Variants in FRMD6 observed in about 807,000 individuals in gnomAD.
FRMD6 encodes the protein FERM domain containing 6.
In FRMD6, 37 loss-of-function variants were observed where a neutral mutation model predicts 73.2. The ratio of observed to expected loss-of-function variants is 0.51; its 90% CI spans 0.39 to 0.66. FRMD6 has a LOEUF of 0.66. Among genes scored for constraint, FRMD6 ranks in the 30% least tolerant of loss-of-function variants. FRMD6 has a pLI of 0.00. For synonymous variants in FRMD6, 273 were observed against 282.2 expected, an observed-to-expected ratio of 0.97 and a Z score of 0.33; for missense variants, 714 against 780.5, an observed-to-expected ratio of 0.91 and a Z score of 1.02.
chr14:51,614,597 A>C (rs1329842963), intron 2 of FRMD6, among the ~76,000 whole-genome samples: 1 of 152,196 alleles, frequency 6.6e-6, no homozygotes, highest in African/African-American at 2.4e-5. Context: ...TGTATTGGTT[A>C]TATACACATT....
At chr14:51,547,946 C>T (rs555262217) in intron 1 of FRMD6, 1 of 151,608 alleles carries the variant, frequency 6.6e-6, no homozygotes, top group East Asian at 1.9e-4. Context: ...TGTACCAACC[C>T]AGAGTTTATA....
intron 13 of FRMD6, 64 bp from the exon 14 acceptor site, chr14:51,727,681 C>A: frequency 6.8e-7 from 1 of 1,475,732 alleles, no homozygotes; most frequent in Non-Finnish European, 9.2e-7. Context: ...TAGCATCTCT[C>A]TTTACAAGGC....
chr14:51,417,416 A>G, the FRMD6 span, among the ~76,000 whole-genome samples: 40 of 152,302 alleles, frequency 2.6e-4, no homozygotes, highest in East Asian at 7.7e-3. Flanking sequence ...TATGAAGCTT[A>G]GTTTGGCTGG....
intron 11 of FRMD6, 100 bp from the exon 12 acceptor site, chr14:51,721,849 A>G: frequency 7.2e-7 from 1 of 1,381,626 alleles, no homozygotes. Flanking sequence ...ATTTATTTTC[A>G]AATAGGAATA....
intron 1 of FRMD6, among the ~76,000 whole-genome samples, chr14:51,656,443 T>C (rs1372535863): frequency 6.6e-6 from 1 of 151,422 alleles, no homozygotes; most frequent in African/African-American, 2.4e-5. Flanking sequence ...AGGCGGAGTC[T>C]CGCCCTGTCG....
chr14:51,701,200 T>A (rs55923021), intron 4 of FRMD6, 41 bp downstream of exon 4: 170,834 of 1,223,588 alleles, frequency 0.14, 13,426 homozygotes, highest in Non-Finnish European at 0.16. Flanking sequence ...TGATTTTTTT[T>A]AAAAAATGTT....
chr14:51,654,048 A>G lies in FRMD6; in HGVS notation c.-147+2052A>G, dbSNP rs552139758. On this transcript the variant is annotated intron_variant, in intron 1 of 13. Coordinates refer to ENST00000344768, the MANE Select transcript of FRMD6 (RefSeq NM_001267046.2). ...TAATCAGCAGTTCTTGCAGTACTCA[A>G]GACATTTTAAGGGGCAGGAAATCTT... 4.6e-5 allele frequency among the ~76,000 whole-genome samples: 7 copies of G among 152,296 alleles called. No homozygotes were observed. In the East Asian group the frequency reaches 9.7e-4, roughly 21 times the overall value.
rs929453274 is a variant in FRMD6, at chr14:51,720,168, C to T, written c.1138C>T (p.Arg380Cys). The T allele has an allele frequency of 5.0e-6, 8 of 1,613,822 alleles. No homozygotes were observed. The African/African-American group carries it at 8.0e-5, about 16-fold the overall frequency. ...GSSAGSMKHKRLSRHSTASHS... is the reference protein window; with the variant it reads ...GSSAGSMKHKCLSRHSTASHS... ...CAGTGCGGGCAGCATGAAACACAAGCGCCTGTCCCGTCATTCCACCGCCAG... is the reference window on the plus strand; with the variant it reads ...CAGTGCGGGCAGCATGAAACACAAGTGCCTGTCCCGTCATTCCACCGCCAG... Residue 380 changes from arginine to cysteine, a missense_variant, in exon 11 of 14, where the codon CGC becomes TGC. By Grantham distance (180) the Arg-to-Cys change is radical. Coordinates refer to ENST00000344768, the MANE Select transcript of FRMD6 (RefSeq NM_001267046.2).
chr14:51,431,946 A>G, the FRMD6 span, among the ~76,000 whole-genome samples: 2 of 152,192 alleles, frequency 1.3e-5, no homozygotes, highest in African/African-American at 4.8e-5. Flanking sequence ...TGTGAGCTAA[A>G]TAAGGCTTGT....
intron 1 of FRMD6, among the ~76,000 whole-genome samples, chr14:51,656,135 T>C (rs1892804356): frequency 6.6e-6 from 1 of 152,242 alleles, no homozygotes; most frequent in South Asian, 2.1e-4. Context: ...GATTTAGTGA[T>C]GTAATTACTT....
intron 2 of FRMD6, among the ~76,000 whole-genome samples, chr14:51,596,455 C>G (rs1347905796): frequency 6.6e-6 from 1 of 152,052 alleles, no homozygotes; most frequent in Non-Finnish European, 1.5e-5. Flanking sequence ...ATGATCATAT[C>G]AAAATATTTT....
chr14:51,462,147 T>C, the FRMD6 span, among the ~76,000 whole-genome samples: 1 of 152,150 alleles, frequency 6.6e-6, no homozygotes, highest in Non-Finnish European at 1.5e-5. Flanking sequence ...GTGGGACTAA[T>C]TTTTCCTGTG....
chr14:51,707,530 G>A (rs1350059390), intron 6 of FRMD6, among the ~76,000 whole-genome samples: 3 of 152,058 alleles, frequency 2.0e-5, no homozygotes, highest in Non-Finnish European at 2.9e-5. Context: ...TGAATGAAAC[G>A]GTTTTCTCAT....
intron 1 of FRMD6, among the ~76,000 whole-genome samples, chr14:51,490,586 G>C (rs1882934765): frequency 1.4e-5 from 2 of 141,732 alleles, no homozygotes; most frequent in Non-Finnish European, 3.2e-5. Flanking sequence ...GGGGCACAGT[G>C]CTAGGTCCTG....
chr14:51,645,217 T>C (rs1309840939), intron 2 of FRMD6, among the ~76,000 whole-genome samples: 3 of 152,208 alleles, frequency 2.0e-5, no homozygotes, highest in Non-Finnish European at 2.9e-5. Flanking sequence ...GTTTCTAACC[T>C]AGAATCAGGT....
Position 51,721,966 on chromosome 14 carries a change from G to T in FRMD6, c.1378G>T (p.Asp460Tyr), listed in dbSNP as rs1442849494. Reference sequence around the variant, plus strand: ...TGTGTCAGAAATAGAGATGTTGGTTGATGACCCCCGGGATCTGGAGCAGAT... The same window carrying T: ...TGTGTCAGAAATAGAGATGTTGGTTTATGACCCCCGGGATCTGGAGCAGAT... ...LQDDEIEMLV[D>Y]DPRDLEQMNE... The change falls in exon 12 of 14, where the codon GAT becomes TAT. Residue 460 changes from aspartate to tyrosine, a missense_variant. Asp to Tyr is a radical substitution (Grantham distance 160). Coordinates refer to ENST00000344768, the MANE Select transcript of FRMD6 (RefSeq NM_001267046.2). The T allele has an allele frequency of 6.2e-7, 1 of 1,614,082 alleles. No individual in the cohort carries two copies. Among genetic ancestry groups the T allele is most frequent in the East Asian group, 2.2e-5 (1 of 44,882 alleles).
intron 1 of FRMD6, among the ~76,000 whole-genome samples, chr14:51,496,281 A>G (rs1042297639): frequency 6.6e-6 from 1 of 152,246 alleles, no homozygotes; most frequent in Non-Finnish European, 1.5e-5. Flanking sequence ...AATAGACTGT[A>G]TCAGTTATCT....
rs574686097 is a variant in FRMD6, at chr14:51,624,841, T to C, written c.-147+54431T>C. Reference sequence around the variant, plus strand: ...AAGTCCAAATCAGAGCTGAGAGAGGTTGGAAAAATGTGTCTGGAAGAGTAA... The same window carrying C: ...AAGTCCAAATCAGAGCTGAGAGAGGCTGGAAAAATGTGTCTGGAAGAGTAA... On this transcript the variant is annotated intron_variant, in intron 2 of 14. Coordinates refer to the FRMD6 transcript ENST00000356218. Among the ~76,000 whole-genome samples, 6 of 152,066 alleles carry C rather than the reference T, an allele frequency of 3.9e-5. No homozygotes were observed. In the East Asian group the frequency reaches 1.2e-3, roughly 29 times the overall value.
chr14:51,487,997 A>G (rs558837406), upstream of FRMD6, among the ~76,000 whole-genome samples: 3 of 152,350 alleles, frequency 2.0e-5, no homozygotes, highest in African/African-American at 7.2e-5. Context: ...TGCTTTCGTC[A>G]TGGCTGAATG....
Sources: gnomAD v4.1 joint callset for allele counts (sites outside exome capture counted in the v4.1 genomes callset) on GRCh38, gnomAD v4.1.1 for gene constraint, MANE v1.5 for transcripts, NCBI Gene and HGNC (gene_info 2026-07-23, HGNC 2026-07-21) for gene names.